ITIH2: variants seen among roughly 807,000 people sequenced by gnomAD.
ITIH2 encodes the protein inter-alpha-trypsin inhibitor heavy chain H2.
ITIH2 carries 103 observed loss-of-function variants against 104.4 expected under a neutral mutation model. That is an observed-to-expected ratio of 0.99 (90% CI 0.84 to 1.16). The LOEUF (loss-of-function observed/expected upper bound fraction) is 1.16. Among genes scored for constraint, ITIH2 ranks in the 50% most tolerant of loss-of-function variants. ITIH2 has a pLI of 0.00. For missense variants in ITIH2, 1,108 were observed against 1,162.4 expected (o/e 0.95, Z 0.68); for synonymous variants, 436 against 435.4 (o/e 1.00, Z -0.02).
At chr10:7,736,714 G>A (rs1286546844) in intron 15 of ITIH2, among the ~76,000 whole-genome samples, 1 of 152,076 alleles carries the variant, frequency 6.6e-6, no homozygotes, top group Non-Finnish European at 1.5e-5. Context: ...CTCTTACTGG[G>A]AAAAATGTGA....
At position 7,724,570 on chromosome 10, in the gene ITIH2, CAAAAA is replaced by C. The variant is rs374923183; in HGVS notation, c.984+1016_984+1020del. On this transcript the variant is annotated intron_variant, in intron 9 of 20. Coordinates refer to ENST00000358415, the MANE Select transcript of ITIH2 (RefSeq NM_002216.3). ...GGGCAACAAGAGCGAAACTCCATCT[CAAAAA>C]AAAAAAAAAAAAGAAGAGGAAGAAG... Among the ~76,000 whole-genome samples, 115 of 51,862 alleles carry C rather than the reference CAAAAA, an allele frequency of 2.2e-3. 2 individuals carry two copies. Among genetic ancestry groups the C allele is most frequent in the Admixed American group, 4.0e-3 (13 of 3,278 alleles). The allele number at this position is 51,862 out of a possible 152,430, so 34.0% of individuals were successfully genotyped here. A position where few individuals can be genotyped will look rare whatever the true frequency, so the allele number is the denominator to read the frequency against.
At chr10:7,733,598 C>T (rs1564304363) in intron 14 of ITIH2, among the ~76,000 whole-genome samples, 1 of 152,102 alleles carries the variant, frequency 6.6e-6, no homozygotes, top group Non-Finnish European at 1.5e-5. Flanking sequence ...TATGATGTTC[C>T]CTAAGGAAGG....
chr10:7,742,969 A>G (rs1488772539), intron 16 of ITIH2, among the ~76,000 whole-genome samples, 177 bp from the exon 17 acceptor site: 1 of 152,202 alleles, frequency 6.6e-6, no homozygotes, highest in African/African-American at 2.4e-5. Flanking sequence ...CTCCGTGACA[A>G]AGGGACAATG....
intron 7 of ITIH2, 44 bp downstream of exon 7, chr10:7,721,007 G>A (rs564979980): frequency 8.5e-7 from 1 of 1,182,500 alleles, no homozygotes; most frequent in Non-Finnish European, 1.3e-6. Context: ...CAGGGCCTCT[G>A]GATTGTGGGT....
chr10:7,748,825 C>T (rs1013159862), intron 20 of ITIH2, among the ~76,000 whole-genome samples: 2 of 151,938 alleles, frequency 1.3e-5, no homozygotes, highest in African/African-American at 2.4e-5. Context: ...AGATTACAGG[C>T]GTGAGCCACC....
At chr10:7,745,082 T>A in intron 19 of ITIH2, 119 bp downstream of exon 19, 1 of 858,174 alleles carries the variant, frequency 1.2e-6, no homozygotes, top group Non-Finnish European at 1.9e-6. Flanking sequence ...CACAGAGGAC[T>A]AACATAGCAG....
intron 15 of ITIH2, among the ~76,000 whole-genome samples, chr10:7,737,393 C>T (rs1373192347): frequency 7.8e-6 from 1 of 128,134 alleles, no homozygotes; most frequent in East Asian, 2.3e-4. Flanking sequence ...TATACACACA[C>T]GTGTATATAT....
chr10:7,717,034 G>A (rs1012569258), intron 5 of ITIH2, among the ~76,000 whole-genome samples: 3 of 149,562 alleles, frequency 2.0e-5, no homozygotes, highest in African/African-American at 7.4e-5. Context: ...CGCAACCTCT[G>A]CCTCCTGGGT....
chr10:7,746,067 TTAAAAAAAAAAAAA>T (rs1835174493), intron 19 of ITIH2, among the ~76,000 whole-genome samples: 2 of 51,092 alleles, frequency 3.9e-5, no homozygotes, highest in African/African-American at 1.8e-4. Context: ...AATCTTAAAT[TTAAAAAAAAAAAAA>T]AAAAAAAAAA....
At chr10:7,713,930 C>A (rs1225567654) in intron 5 of ITIH2, among the ~76,000 whole-genome samples, 1 of 152,044 alleles carries the variant, frequency 6.6e-6, no homozygotes, top group Non-Finnish European at 1.5e-5. Flanking sequence ...CTCAAGCGAT[C>A]CTCCCATGTC....
In ITIH2 at chr10:7,744,903, T is replaced by C. The variant is rs1056261054; in HGVS notation, c.2521T>C (p.Phe841Leu). 7.4e-6 allele frequency: 12 copies of C among 1,614,060 alleles called. No individual in the cohort carries two copies. The highest frequency in any genetic ancestry group is 1.6e-4 in the Middle Eastern group (1 of 6,084). The part of the protein sequence containing the change: ...VWKKHPVNVD[F>L]LGIYIPPTNK... ...GAAGAAGCATCCCGTCAATGTTGAC[T>C]TTCTGGGAATCTACATACCCCCTAC... Residue 841 changes from phenylalanine (F) to leucine (L), a missense_variant, in exon 19 of 21, where the codon TTT becomes CTT. Coordinates refer to ENST00000358415, the MANE Select transcript of ITIH2 (RefSeq NM_002216.3).
At chr10:7,720,749 C>A (rs893919599) in intron 6 of ITIH2, 107 bp from the exon 7 acceptor site, 2 of 669,204 alleles carry the variant, frequency 3.0e-6, no homozygotes, top group Middle Eastern at 2.8e-4. Context: ...GCCCGGGAAA[C>A]CTGCGGAGGA....
intron 3 of ITIH2, among the ~76,000 whole-genome samples, chr10:7,708,126 A>G (rs1227590933): frequency 6.6e-6 from 1 of 152,216 alleles, no homozygotes; most frequent in Non-Finnish European, 1.5e-5. Flanking sequence ...GGTGAGTTGC[A>G]TGGTTAATTA....
intron 19 of ITIH2, 139 bp downstream of exon 19, chr10:7,745,102 G>A (rs1247235771): frequency 3.4e-5 from 23 of 676,540 alleles, no homozygotes; most frequent in African/African-American, 1.5e-4. Flanking sequence ...GTGTGGGGTC[G>A]CTCGGGAATG....
rs1212612523 is a variant in ITIH2, at chr10:7,723,576, C to T, written c.984+9C>T. 2.0e-6 allele frequency: 3 copies of T among 1,516,258 alleles called. No homozygotes were observed. The highest frequency in any genetic ancestry group is 3.3e-5 in the Admixed American group (2 of 59,856). The allele number at this position is 1,516,258 out of a possible 1,614,324, so 93.9% of individuals were successfully genotyped here. On this transcript the variant is annotated intron_variant, in intron 9 of 20. Coordinates refer to ENST00000358415, the MANE Select transcript of ITIH2 (RefSeq NM_002216.3). ...GAGTTAAAATGAAACAAGTAAGTAC[C>T]CCCTTGTTTGCAGTGGTTGGGGGGA...
chr10:7,723,148 C>CGTGGCGTGGAGGGGAGGGAA (rs1834921668), intron 8 of ITIH2, among the ~76,000 whole-genome samples: 1 of 139,524 alleles, frequency 7.2e-6, no homozygotes, highest in Non-Finnish European at 1.5e-5. Context: ...CGTGGAGTGG[C>CGTGGCGTGGAGGGGAGGGAA]GTGGCGTGGA....
intron 20 of ITIH2, among the ~76,000 whole-genome samples, chr10:7,748,518 A>ATTTTTTTTT (rs1564309292): frequency 2.8e-4 from 8 of 29,002 alleles, no homozygotes; most frequent in Non-Finnish European, 5.4e-4. Flanking sequence ...CCGCCAATGC[A>ATTTTTTTTT]TTCTTTTTTT....
In ITIH2 at chr10:7,734,923, A is replaced by G; in HGVS notation, c.1789A>G (p.Ser597Gly). 6.2e-7 allele frequency: 1 copy of G among 1,610,480 alleles called. No individual in the cohort carries two copies. Among genetic ancestry groups the G allele is most frequent in the African/African-American group, 1.3e-5 (1 of 75,014 alleles). Reference protein sequence around the residue: ...LTINQLLAERSLAPTAAAKRR... With the variant: ...LTINQLLAERGLAPTAAAKRR... ...AACACCTCTACTTCTTGAATACAGA[A>G]GCCTGGCTCCTACAGCTGCCGCCAA... is the stretch of plus-strand genomic sequence containing the variant. Residue 597 changes from serine (S) to glycine (G), a missense_variant and splice_region_variant, in exon 15 of 21, where the codon AGC becomes GGC. Ser to Gly is a moderately conservative substitution (Grantham distance 56, BLOSUM62 0). Transcript: ENST00000358415.
Position 7,743,084 on chromosome 10 carries a change from T to G in ITIH2, c.2096-62T>G, listed in dbSNP as rs986863420. On this transcript the variant is annotated intron_variant, in intron 16 of 20. Transcript: ENST00000358415. ...AAATTAAAGATGTTCAGGAATGACATAGTGCTCAAAATCATCTTCCTTTTA... is the reference window on the plus strand; with the variant it reads ...AAATTAAAGATGTTCAGGAATGACAGAGTGCTCAAAATCATCTTCCTTTTA... 8 of 792,410 alleles carry G rather than the reference T, an allele frequency of 1.0e-5. No homozygotes were observed. In the African/African-American group the frequency reaches 1.4e-4, roughly 14 times the overall value. 49.1% of individuals were successfully genotyped at this position (792,410 alleles called of 1,614,324 possible).
Sources: gnomAD v4.1 joint callset for allele counts (sites outside exome capture counted in the v4.1 genomes callset) on GRCh38, gnomAD v4.1.1 for gene constraint, MANE v1.5 for transcripts, NCBI Gene and HGNC (gene_info 2026-07-23, HGNC 2026-07-21) for gene names.